FGGY: variants seen among roughly 807,000 people sequenced by gnomAD.
FGGY encodes FGGY carbohydrate kinase domain containing, also known as FGGY carbohydrate kinase domain-containing protein.
Under a neutral mutation model 71.3 loss-of-function variants are expected in FGGY, and 72 were observed. The ratio of observed to expected loss-of-function variants is 1.01; its 90% CI spans 0.84 to 1.23. The LOEUF (loss-of-function observed/expected upper bound fraction) is 1.23. FGGY is among the 50% of genes most tolerant of loss of function. The pLI, the probability that FGGY is intolerant of heterozygous loss-of-function variation, is 0.00. For missense variants in FGGY, 668 were observed against 682.3 expected (o/e 0.98, Z 0.23); for synonymous variants, 251 against 250.3 (o/e 1.00, Z -0.02).
chr1:59,301,273 A>T (rs748028173), intron 1 of FGGY, among the ~76,000 whole-genome samples: 4 of 152,180 alleles, frequency 2.6e-5, no homozygotes, highest in Non-Finnish European at 5.9e-5. Context: ...TTTATTTTCC[A>T]GTTGTTTTCT....
In FGGY at chr1:59,378,946, C is replaced by G. The variant is rs1571309725; in HGVS notation, c.554+109C>G. On this transcript the variant is annotated intron_variant, in intron 5 of 15. Coordinates refer to ENST00000303721, the MANE Select transcript of FGGY (RefSeq NM_018291.5). ...ACTGGATATACTTTTGGTACATCTG[C>G]ATGTGATTTTGCATACATGAAACAT... The G allele has an allele frequency of 3.4e-6, 3 of 876,130 alleles. No homozygotes were observed. The East Asian group carries it at 7.9e-5, about 23-fold the overall frequency. The allele number at this position is 876,130 out of a possible 1,614,324, so 54.3% of individuals were successfully genotyped here.
intron 4 of FGGY, among the ~76,000 whole-genome samples, chr1:59,347,451 T>G (rs544559869): frequency 2.9e-4 from 44 of 152,238 alleles, no homozygotes; most frequent in Non-Finnish European, 3.2e-4. Context: ...TGGCTGCATA[T>G]TATTCCATGG....
chr1:59,574,770 A>C (rs2096050714), intron 8 of FGGY, among the ~76,000 whole-genome samples: 2 of 152,148 alleles, frequency 1.3e-5, no homozygotes, highest in African/African-American at 2.4e-5. Flanking sequence ...AGAGAAATAT[A>C]TTTGACTTTT....
intron 1 of FGGY, among the ~76,000 whole-genome samples, chr1:59,305,176 A>G (rs545626172): frequency 1.3e-5 from 2 of 152,282 alleles, no homozygotes; most frequent in Non-Finnish European, 2.9e-5. Context: ...GATGTTGAGT[A>G]TCATATTGGC....
In FGGY at chr1:59,298,594, T is replaced by C. The variant is rs147336063; in HGVS notation, c.-15+1444T>C. Among the ~76,000 whole-genome samples the C allele has an allele frequency of 1.0e-2, 1,516 of 152,352 alleles. 28 individuals carry two copies. Among genetic ancestry groups the C allele is most frequent in the African/African-American group, 0.034 (1,432 of 41,572 alleles). ...TTCCCTTTCCCTAACCTTTCACTTA[T>C]TAGTTTAAATAGTTCCCTTTACCTA... On this transcript the variant is annotated intron_variant, in intron 1 of 15. Transcript: ENST00000303721.
intron 14 of FGGY, among the ~76,000 whole-genome samples, chr1:59,688,073 G>A (rs957383511): frequency 6.6e-6 from 1 of 152,176 alleles, no homozygotes; most frequent in Non-Finnish European, 1.5e-5. Flanking sequence ...TATACACCCA[G>A]CTGAGTTTGG....
At chr1:59,693,237 G>C (rs549869597) in intron 14 of FGGY, among the ~76,000 whole-genome samples, 1 of 152,338 alleles carries the variant, frequency 6.6e-6, no homozygotes, top group African/African-American at 2.4e-5. Flanking sequence ...GCATCAGACA[G>C]ATATGGCTGC....
chr1:59,614,221 C>T (rs1339856997), intron 9 of FGGY, among the ~76,000 whole-genome samples: 2 of 152,130 alleles, frequency 1.3e-5, no homozygotes, highest in Non-Finnish European at 2.9e-5. Context: ...ACCAATATCC[C>T]TGATGAACAT....
In FGGY at chr1:59,667,261, A is replaced by C. The variant is rs760829427; in HGVS notation, c.1297-22A>C. The stretch of plus-strand genomic sequence containing the variant: ...TTACTTTTGTGACTATACTGATGCT[A>C]TCTTCTGCTTTTCCTTTCAAGTTGG... On this transcript the variant is annotated intron_variant, in intron 12 of 15. Transcript: ENST00000303721. 3 of 1,613,824 alleles carry C rather than the reference A, an allele frequency of 1.9e-6. No individual in the cohort carries two copies. In the South Asian group the frequency reaches 3.3e-5, roughly 18 times the overall value.
At chr1:59,728,065 C>T (rs1396935698) in intron 14 of FGGY, among the ~76,000 whole-genome samples, 2 of 152,046 alleles carry the variant, frequency 1.3e-5, no homozygotes, top group Non-Finnish European at 2.9e-5. Flanking sequence ...TATTATCTAC[C>T]ATGTTTGTAA....
intron 1 of FGGY, among the ~76,000 whole-genome samples, chr1:59,309,034 G>A (rs1236923433): frequency 1.3e-5 from 2 of 151,954 alleles, no homozygotes; most frequent in Non-Finnish European, 2.9e-5. Context: ...GTATCTTTTT[G>A]ATGAGTCAGT....
intron 6 of FGGY, among the ~76,000 whole-genome samples, chr1:59,481,045 A>G (rs546317299): frequency 2.7e-5 from 4 of 146,436 alleles, no homozygotes; most frequent in Non-Finnish European, 6.0e-5. Context: ...TATAAGTTCA[A>G]TAGTACATTA....
At chr1:59,340,917 G>T (rs1204064746) in intron 3 of FGGY, among the ~76,000 whole-genome samples, 1 of 152,168 alleles carries the variant, frequency 6.6e-6, no homozygotes, top group Non-Finnish European at 1.5e-5. Context: ...ACTGGAAATT[G>T]CATGCTCCAT....
At chr1:59,392,963 A>C (rs1479374708) in intron 5 of FGGY, among the ~76,000 whole-genome samples, 1 of 152,144 alleles carries the variant, frequency 6.6e-6, no homozygotes, top group Non-Finnish European at 1.5e-5. Flanking sequence ...TATTGCCCAG[A>C]TATTATTCTT....
intron 14 of FGGY, among the ~76,000 whole-genome samples, chr1:59,708,510 GT>G (rs2097771633): frequency 6.6e-6 from 1 of 152,152 alleles, no homozygotes. Flanking sequence ...AATCTCTAAG[GT>G]GCAGGTGAGA....
At chr1:59,681,079 T>C (rs1423653270) in intron 14 of FGGY, 2 of 152,202 alleles carry the variant, frequency 1.3e-5, no homozygotes, top group Non-Finnish European at 2.9e-5. Context: ...TTTGCTCTAC[T>C]TGTTTGCTTT....
At chr1:59,594,950 C>G (rs1047326657) in intron 8 of FGGY, among the ~76,000 whole-genome samples, 48 of 152,158 alleles carry the variant, frequency 3.2e-4, no homozygotes, top group African/African-American at 1.1e-3. Context: ...TACTCTGACC[C>G]TTGGGCCCCT....
intron 8 of FGGY, among the ~76,000 whole-genome samples, chr1:59,585,782 G>T (rs1288394509): frequency 3.3e-5 from 5 of 152,120 alleles, no homozygotes; most frequent in Non-Finnish European, 5.9e-5. Context: ...CTGACAAAGG[G>T]CTAATATCCA....
intron 6 of FGGY, among the ~76,000 whole-genome samples, chr1:59,509,829 A>T (rs2094476222): frequency 6.6e-6 from 1 of 152,178 alleles, no homozygotes; most frequent in African/African-American, 2.4e-5. Flanking sequence ...TTCTTCCTAA[A>T]TTACTATAGA....
Sources: allele counts gnomAD v4.1 joint callset (sites outside exome capture counted in the v4.1 genomes callset), GRCh38; gene constraint gnomAD v4.1.1; transcripts MANE v1.5; gene names NCBI Gene and HGNC (gene_info 2026-07-23, HGNC 2026-07-21).